SCAF4: variants seen among roughly 807,000 people sequenced by gnomAD.
SCAF4 encodes SR-related CTD associated factor 4.
Under a neutral mutation model 129.8 loss-of-function variants are expected in SCAF4, and 25 were observed. The ratio of observed to expected loss-of-function variants is 0.19; its 90% CI spans 0.14 to 0.27. SCAF4 has a LOEUF of 0.27. Ranked by LOEUF, SCAF4 falls within the 10% of genes least tolerant of loss-of-function variation. The pLI is 1.00. For synonymous variants in SCAF4, 551 were observed against 497.7 expected (o/e 1.11, Z -1.43); for missense variants, 1,246 against 1,457.1 (o/e 0.86, Z 2.36).
intron 7 of SCAF4, among the ~76,000 whole-genome samples, chr21:31,698,264 T>C (rs1293337267): frequency 6.6e-6 from 1 of 152,178 alleles, no homozygotes; most frequent in African/African-American, 2.4e-5. Context: ...TTATTTCCAG[T>C]GAGAAGCTTG....
chr21:31,727,011 A>G (rs2051222188), intron 1 of SCAF4, among the ~76,000 whole-genome samples: 1 of 152,188 alleles, frequency 6.6e-6, no homozygotes, highest in South Asian at 2.1e-4. Flanking sequence ...TTATTTGTAA[A>G]TTAAAAACAC....
intron 7 of SCAF4, among the ~76,000 whole-genome samples, chr21:31,699,631 T>A (rs1337354856): frequency 6.6e-6 from 1 of 152,192 alleles, no homozygotes; most frequent in Non-Finnish European, 1.5e-5. Flanking sequence ...GGTGGATTTT[T>A]AATTTAGACT....
At chr21:31,696,027 A>G in intron 9 of SCAF4, 86 bp downstream of exon 9, 1 of 803,576 alleles carries the variant, frequency 1.2e-6, no homozygotes, top group South Asian at 2.4e-5. Flanking sequence ...AGCCAATTAC[A>G]TAGCTGCAGA....
intron 1 of SCAF4, among the ~76,000 whole-genome samples, chr21:31,729,730 G>A (rs905977217): frequency 1.8e-4 from 28 of 152,128 alleles, no homozygotes; most frequent in Non-Finnish European, 3.8e-4. Context: ...TAAAGACTAG[G>A]AATAGAACTG....
Position 31,691,374 on chromosome 21 carries a change from A to G in SCAF4, c.1729-421T>C, listed in dbSNP as rs976192897. ...CAGCGGTAGAATGGGGTGTTAAGAC[A>G]CTGAAGAAACACTGACTTTAGCTCC... is the stretch of plus-strand genomic sequence containing the variant. On this transcript the variant is annotated intron_variant, in intron 14 of 19. Coordinates refer to ENST00000286835, the MANE Select transcript of SCAF4 (RefSeq NM_020706.2). Among the ~76,000 whole-genome samples, 5 of 152,338 alleles carry G rather than the reference A, an allele frequency of 3.3e-5. 1 individual carries two copies. The South Asian group carries it at 8.3e-4, about 25-fold the overall frequency.
chr21:31,683,743 G>A (rs1197937072), intron 19 of SCAF4, among the ~76,000 whole-genome samples: 1 of 151,314 alleles, frequency 6.6e-6, no homozygotes, highest in Non-Finnish European at 1.5e-5. Flanking sequence ...AAGATGCAAA[G>A]ATGTTCCCTG....
intron 1 of SCAF4, among the ~76,000 whole-genome samples, chr21:31,730,449 C>T (rs1001086688): frequency 2.6e-5 from 4 of 152,158 alleles, no homozygotes; most frequent in African/African-American, 9.7e-5. Flanking sequence ...TAAATTGTCT[C>T]AACTGCAGTG....
intron 1 of SCAF4, among the ~76,000 whole-genome samples, chr21:31,709,751 T>C (rs2050755327): frequency 6.6e-6 from 1 of 152,062 alleles, no homozygotes; most frequent in Non-Finnish European, 1.5e-5. Flanking sequence ...AACCAACATT[T>C]GAGTGCTTTA....
At chr21:31,693,178 TA>T in intron 12 of SCAF4, 115 bp downstream of exon 12, 1 of 754,590 alleles carries the variant, frequency 1.3e-6, no homozygotes, top group Non-Finnish European at 1.9e-6. Context: ...ATATTTCAAA[TA>T]AAAATCAACA....
At chr21:31,684,282 T>C (rs1190353209) in intron 19 of SCAF4, 2 of 153,396 alleles carry the variant, frequency 1.3e-5, no homozygotes, top group South Asian at 2.1e-4. Context: ...AAGTGTTAAT[T>C]ATATTTGGCA....
chr21:31,720,205 A>G (rs113710810), intron 1 of SCAF4, among the ~76,000 whole-genome samples: 9 of 152,372 alleles, frequency 5.9e-5, no homozygotes, highest in African/African-American at 2.2e-4. Context: ...AGAAATAAAA[A>G]TTGATTCCAG....
At chr21:31,694,335 A>G (rs2050331968) in intron 10 of SCAF4, 46 bp from the exon 11 acceptor site, 1 of 1,226,356 alleles carries the variant, frequency 8.2e-7, no homozygotes, top group Non-Finnish European at 1.2e-6. Flanking sequence ...TAAAAAGTAT[A>G]AAAGCAAGAG....
In SCAF4 at chr21:31,696,134, T is replaced by C. The variant is rs182656191; in HGVS notation, c.1047A>G (p.Gln349=). The C allele has an allele frequency of 3.1e-5, 50 of 1,613,018 alleles. No individual in the cohort carries two copies. The Admixed American group carries it at 8.0e-4, about 26-fold the overall frequency. The change falls in exon 9 of 20, where the codon CAA becomes CAG. Residue 349 remains glutamine, a synonymous_variant. Coordinates refer to ENST00000286835, the MANE Select transcript of SCAF4 (RefSeq NM_020706.2). ...GTACCTGATGGTGCATTGGATCCTG[T>C]TGTATTCCCATCATTCGTGGCTGAA... is the stretch of plus-strand genomic sequence containing the variant. ...DQFQPRMMGI[Q]QDPMHHQVPL...
At chr21:31,704,783 T>C (rs985910691) in intron 3 of SCAF4, among the ~76,000 whole-genome samples, 1 of 152,244 alleles carries the variant, frequency 6.6e-6, no homozygotes, top group Non-Finnish European at 1.5e-5. Context: ...TATTTATTTG[T>C]ACTTTGATGT....
Position 31,693,503 on chromosome 21 carries a change from G to C in SCAF4, c.1323-19C>G, listed in dbSNP as rs2050309948. On this transcript the variant is annotated intron_variant, in intron 11 of 19. Transcript: ENST00000286835. ...TGGTGACCTAATGTTTTCAAGAGAA[G>C]GGAGAATGCATAGCATATAGACAAA... 1 of 1,448,004 alleles carries C rather than the reference G, an allele frequency of 6.9e-7. No homozygotes were observed. Among genetic ancestry groups the C allele is most frequent in the Non-Finnish European group, 9.3e-7 (1 of 1,079,556 alleles). 89.7% of individuals were successfully genotyped at this position (1,448,004 alleles called of 1,614,324 possible).
At chr21:31,686,498 C>T (rs759000374) in intron 16 of SCAF4, among the ~76,000 whole-genome samples, 11 of 152,184 alleles carry the variant, frequency 7.2e-5, no homozygotes, top group East Asian at 3.8e-4. Flanking sequence ...TTCTCTAAAA[C>T]GGCAAAGTGC....
intron 1 of SCAF4, among the ~76,000 whole-genome samples, chr21:31,717,878 C>CAT (rs1248727585): frequency 6.4e-4 from 68 of 105,766 alleles, no homozygotes; most frequent in African/African-American, 2.7e-3. Context: ...CACATATACA[C>CAT]ATATATACAC....
At chr21:31,692,297 T>C (rs1353541576) in intron 13 of SCAF4, 52 bp downstream of exon 13, 2 of 1,384,840 alleles carry the variant, frequency 1.4e-6, no homozygotes, top group Admixed American at 1.7e-5. Context: ...TTTCATAAAA[T>C]GACATTAATC....
At chr21:31,689,838 G>C (rs2050216651) in intron 15 of SCAF4, among the ~76,000 whole-genome samples, 1 of 150,918 alleles carries the variant, frequency 6.6e-6, no homozygotes, top group Non-Finnish European at 1.5e-5. Context: ...GGGAGGCTGA[G>C]GCAGGAGAAT....
Sources: allele counts gnomAD v4.1 joint callset (sites outside exome capture counted in the v4.1 genomes callset), GRCh38; gene constraint gnomAD v4.1.1; transcripts MANE v1.5; gene names NCBI Gene and HGNC (gene_info 2026-07-23, HGNC 2026-07-21).